Variants in KIF13B observed in about 807,000 individuals in gnomAD.
KIF13B encodes the protein kinesin family member 13B.
In KIF13B, 127 loss-of-function variants were observed where a neutral mutation model predicts 222.0. The ratio of observed to expected loss-of-function variants is 0.57; its 90% CI spans 0.50 to 0.66. The LOEUF is 0.66. Among genes scored for constraint, KIF13B ranks in the 30% least tolerant of loss-of-function variants. The probability of loss-of-function intolerance (pLI) is 0.00; values close to 1 mark genes in which losing one functional copy is unlikely to be tolerated. For missense variants in KIF13B, 2,173 were observed against 2,379.0 expected, an observed-to-expected ratio of 0.91 and a Z score of 1.80; for synonymous variants, 976 against 919.0, an observed-to-expected ratio of 1.06 and a Z score of -1.12.
intron 16 of KIF13B, among the ~76,000 whole-genome samples, 186 bp downstream of exon 16, chr8:29,148,389 AAC>A (rs1310580511): frequency 6.7e-6 from 1 of 148,630 alleles, no homozygotes; most frequent in Non-Finnish European, 1.5e-5. Context: ...AAACATTTTT[AAC>A]ACTCTACCGT....
intron 19 of KIF13B, among the ~76,000 whole-genome samples, chr8:29,141,545 C>T (rs558747559): frequency 1.3e-5 from 2 of 152,192 alleles, no homozygotes; most frequent in East Asian, 3.9e-4. Flanking sequence ...CAACTCTATG[C>T]GGAAACAGGT....
chr8:29,102,580 C>T (rs1384212094), intron 35 of KIF13B, among the ~76,000 whole-genome samples: 1 of 152,230 alleles, frequency 6.6e-6, no homozygotes, highest in Non-Finnish European at 1.5e-5. Flanking sequence ...CAGTTTTTCC[C>T]ACTCCTGCTC....
At chr8:29,253,855 A>AAAC (rs1816374440) in intron 1 of KIF13B, among the ~76,000 whole-genome samples, 1 of 149,028 alleles carries the variant, frequency 6.7e-6, no homozygotes, top group Admixed American at 6.7e-5. Context: ...AAAAAAAAAA[A>AAAC]CCCGCTTAAG....
At chr8:29,221,847 T>C (rs1351240519) in intron 2 of KIF13B, among the ~76,000 whole-genome samples, 4 of 152,180 alleles carry the variant, frequency 2.6e-5, no homozygotes, top group African/African-American at 9.7e-5. Context: ...TACCATAAAA[T>C]TTGGTATTTG....
intron 38 of KIF13B, among the ~76,000 whole-genome samples, 159 bp from the exon 39 acceptor site, chr8:29,072,475 A>T (rs1259093651): frequency 6.6e-6 from 1 of 152,196 alleles, no homozygotes; most frequent in Non-Finnish European, 1.5e-5. Context: ...GCTTGAGCCC[A>T]GGAGTTCAAG....
In KIF13B at chr8:29,154,870, C is replaced by A. The variant is rs184648520; in HGVS notation, c.1535+856G>T. On this transcript the variant is annotated intron_variant, in intron 14 of 39. Transcript: ENST00000524189. ...TGATCCTTCCCCAGAGCTTGATAGT[C>A]TCAATACTTGAAGACTTTATGGATA... is the stretch of plus-strand genomic sequence containing the variant. 3.9e-5 allele frequency among the ~76,000 whole-genome samples: 6 copies of A among 152,254 alleles called. No homozygotes were observed. The East Asian group carries it at 1.2e-3, about 29-fold the overall frequency.
chr8:29,157,134 T>A (rs1811569805), intron 13 of KIF13B, among the ~76,000 whole-genome samples: 1 of 151,960 alleles, frequency 6.6e-6, no homozygotes, highest in Non-Finnish European at 1.5e-5. Flanking sequence ...CCCACCTCCA[T>A]GACTACATCC....
Position 29,250,097 on chromosome 8 carries a change from CA to C in KIF13B, c.56-4659del, listed in dbSNP as rs1563827370. ...CTTACAGTCAAATCTGTATCATACA[CA>C]AGCACATTATCAACTCTCCGGAAAT... On this transcript the variant is annotated intron_variant, in intron 1 of 39. Transcript: ENST00000524189. 3.2e-6 allele frequency: 4 copies of C among 1,243,098 alleles called. No homozygotes were observed. In the South Asian group the frequency reaches 5.0e-5, roughly 16 times the overall value. 77.0% of individuals were successfully genotyped at this position (1,243,098 alleles called of 1,614,324 possible). A position where few individuals can be genotyped will look rare whatever the true frequency, so the allele number is the denominator to read the frequency against.
chr8:29,160,765 C>A lies in KIF13B; in HGVS notation c.1372G>T (p.Ala458Ser), dbSNP rs781643536. Residue 458 changes from alanine (A) to serine (S), a missense_variant, in exon 13 of 40, where the codon GCT (alanine) becomes TCT (serine). Coordinates refer to ENST00000524189, the MANE Select transcript of KIF13B (RefSeq NM_015254.4). ...CFLVNLNADP[A>S]LNELLVYYLK... The stretch of plus-strand genomic sequence containing the variant: ...TAGTACACCAGAAGCTCATTCAGAG[C>A]TGGGTCAGCATTCAGATTCACAAGG... 6 of 1,613,690 alleles carry A rather than the reference C, an allele frequency of 3.7e-6. No homozygotes were observed. The highest frequency in any genetic ancestry group is 5.1e-6 in the Non-Finnish European group (6 of 1,179,728).
chr8:29,103,255 A>G (rs530374866), intron 35 of KIF13B, among the ~76,000 whole-genome samples: 1 of 151,904 alleles, frequency 6.6e-6, no homozygotes, highest in Non-Finnish European at 1.5e-5. Context: ...AAAAAAAAAA[A>G]AAAACAAGTA....
intron 1 of KIF13B, among the ~76,000 whole-genome samples, chr8:29,258,386 T>C (rs1816562623): frequency 6.6e-6 from 1 of 152,218 alleles, no homozygotes; most frequent in South Asian, 2.1e-4. Flanking sequence ...GCTTCCAATC[T>C]TGCTTTGGGA....
chr8:29,116,326 G>C (rs955945434), intron 31 of KIF13B, among the ~76,000 whole-genome samples: 9 of 152,192 alleles, frequency 5.9e-5, no homozygotes, highest in African/African-American at 2.2e-4. Flanking sequence ...AAAATTAGCC[G>C]GATGTGGTGG....
chr8:29,237,665 C>A (rs1815573374), intron 2 of KIF13B, among the ~76,000 whole-genome samples: 1 of 152,156 alleles, frequency 6.6e-6, no homozygotes, highest in African/African-American at 2.4e-5. Context: ...TAGTAGCAGT[C>A]TATTGGCTAC....
At chr8:29,090,036 G>T (rs551861797) in intron 37 of KIF13B, among the ~76,000 whole-genome samples, 52 of 152,292 alleles carry the variant, frequency 3.4e-4, no homozygotes, top group Admixed American at 5.2e-4. Flanking sequence ...GGAGGCCTTT[G>T]GGAAGAGCAG....
In KIF13B at chr8:29,124,007, C is replaced by T; in HGVS notation, c.3352+17G>A. ...TTGATTTGCAGGGGAGAAAAATATT[C>T]TATTTGTTTTTCCTACCACGTTTAC... On this transcript the variant is annotated intron_variant, in intron 27 of 39. Coordinates refer to ENST00000524189, the MANE Select transcript of KIF13B (RefSeq NM_015254.4). 1 of 1,495,166 alleles carries T rather than the reference C, an allele frequency of 6.7e-7. No homozygotes were observed. Among genetic ancestry groups the T allele is most frequent in the Non-Finnish European group, 9.3e-7 (1 of 1,075,184 alleles). The allele number at this position is 1,495,166 out of a possible 1,614,324, so 92.6% of individuals were successfully genotyped here.
intron 36 of KIF13B, among the ~76,000 whole-genome samples, chr8:29,095,858 A>T (rs1359394450): frequency 6.6e-6 from 1 of 152,236 alleles, no homozygotes; most frequent in Admixed American, 6.5e-5. Flanking sequence ...TTCAGGAAAG[A>T]CTGGATACTG....
At chr8:29,190,706 C>A (rs996867683) in intron 4 of KIF13B, 5 of 362,408 alleles carry the variant, frequency 1.4e-5, no homozygotes, top group South Asian at 1.3e-4. Flanking sequence ...AAGGAGGGAG[C>A]GGTCTTGTGG....
rs768530351 is a variant in KIF13B, at chr8:29,169,802, C to T, written c.946-2217G>A. Among the ~76,000 whole-genome samples the T allele has an allele frequency of 8.5e-5, 13 of 152,262 alleles. 1 individual carries two copies. The South Asian group carries it at 1.2e-3, about 15-fold the overall frequency. On this transcript the variant is annotated intron_variant, in intron 10 of 39. Transcript: ENST00000524189. Reference sequence around the variant, plus strand: ...TGAATGAAATTCAAATGTGATATAACGAAAGCACAGGAATTCAATCTCATC... The same window carrying T: ...TGAATGAAATTCAAATGTGATATAATGAAAGCACAGGAATTCAATCTCATC...
At chr8:29,222,227 T>C (rs192315308) in intron 2 of KIF13B, among the ~76,000 whole-genome samples, 7 of 152,070 alleles carry the variant, frequency 4.6e-5, no homozygotes, top group Non-Finnish European at 8.8e-5. Flanking sequence ...GTTGTGTGCC[T>C]GTAGCTCCAG....
Sources: gnomAD v4.1 joint callset for allele counts (sites outside exome capture counted in the v4.1 genomes callset) on GRCh38, gnomAD v4.1.1 for gene constraint, MANE v1.5 for transcripts, NCBI Gene and HGNC (gene_info 2026-07-23, HGNC 2026-07-21) for gene names.